The following MAGI2 variants were observed in gnomAD, a reference collection of about 807,000 sequenced individuals.
MAGI2 encodes membrane associated guanylate kinase, WW and PDZ domain containing 2, also known as membrane-associated guanylate kinase, WW and PDZ domain-containing protein 2.
Under a neutral mutation model 133.3 loss-of-function variants are expected in MAGI2, and 35 were observed. That is an observed-to-expected ratio of 0.26 (90% CI 0.20 to 0.35). The LOEUF (loss-of-function observed/expected upper bound fraction) is 0.35. MAGI2 is among the 10% of genes least tolerant of loss of function. The probability of loss-of-function intolerance (pLI) is 1.00; values close to 1 mark genes in which losing one functional copy is unlikely to be tolerated. For missense variants in MAGI2, 1,636 were observed against 1,863.4 expected (o/e 0.88, Z 2.25); for synonymous variants, 729 against 710.6 (o/e 1.03, Z -0.41).
chr7:78,486,119 A>G (rs923762587), intron 6 of MAGI2: 5 of 152,096 alleles, frequency 3.3e-5, no homozygotes, highest in Non-Finnish European at 5.9e-5. Flanking sequence ...TGGACATTAA[A>G]GAAACCAGAA....
At chr7:78,724,702 C>T (rs1220372994) in intron 2 of MAGI2, among the ~76,000 whole-genome samples, 3 of 152,206 alleles carry the variant, frequency 2.0e-5, no homozygotes, top group Non-Finnish European at 4.4e-5. Context: ...TGTAGCATGT[C>T]TTGTACAGCA....
intron 1 of MAGI2, among the ~76,000 whole-genome samples, chr7:79,226,123 C>T (rs578142073): frequency 4.6e-5 from 7 of 152,186 alleles, no homozygotes; most frequent in South Asian, 4.2e-4. Context: ...AGTTCATGAT[C>T]GACTACAGTT....
rs900105772 is a variant in MAGI2 at position 78,868,132 on chromosome 7, A to G, written c.418+138958T>C. Among the ~76,000 whole-genome samples, 7 of 152,250 alleles carry G rather than the reference A, an allele frequency of 4.6e-5. No homozygotes were observed. The South Asian group carries it at 6.2e-4, about 13-fold the overall frequency. ...TTAATTGGTGACATAGATGACGACA[A>G]TGGAAAGTAAACTATAAATATAAAG... On this transcript the variant is annotated intron_variant, in intron 2 of 21. Transcript: ENST00000354212.
chr7:78,687,597 C>T (rs886454288), intron 2 of MAGI2, among the ~76,000 whole-genome samples: 2 of 152,006 alleles, frequency 1.3e-5, no homozygotes, highest in African/African-American at 4.8e-5. Flanking sequence ...ATGTTGAATG[C>T]ATTAATAATT....
chr7:78,983,227 A>T (rs1804940982), intron 2 of MAGI2, among the ~76,000 whole-genome samples: 1 of 151,980 alleles, frequency 6.6e-6, no homozygotes, highest in South Asian at 2.1e-4. Flanking sequence ...AGTACTTTAG[A>T]TTTAGGGAAT....
intron 1 of MAGI2, among the ~76,000 whole-genome samples, chr7:79,156,282 C>G (rs919274440): frequency 6.6e-6 from 1 of 152,032 alleles, no homozygotes. Flanking sequence ...TTTGAGATAA[C>G]CCTATAAAAC....
At chr7:79,184,571 GA>G (rs991015089) in intron 1 of MAGI2, among the ~76,000 whole-genome samples, 11 of 151,530 alleles carry the variant, frequency 7.3e-5, no homozygotes, top group East Asian at 1.9e-4. Flanking sequence ...AGTAATAGGA[GA>G]AAAAAAGGCA....
At chr7:78,164,859 G>C (rs1412869514) in intron 15 of MAGI2, among the ~76,000 whole-genome samples, 1 of 152,212 alleles carries the variant, frequency 6.6e-6, no homozygotes, top group Non-Finnish European at 1.5e-5. Flanking sequence ...TAGCTTGAAT[G>C]TCTCAAAGCT....
At position 78,028,133 on chromosome 7, in the gene MAGI2, A is replaced by G. The variant is rs188451093; in HGVS notation, c.3707-8157T>C. Among the ~76,000 whole-genome samples the G allele has an allele frequency of 3.1e-3, 477 of 152,356 alleles. 1 individual carries two copies. Among genetic ancestry groups the G allele is most frequent in the Admixed American group, 6.3e-3 (96 of 15,310 alleles). ...ATCACTAAGGTGATTGCTTTTTGTA[A>G]CAAAATATAAACAAAAGTACCTTGA... On this transcript the variant is annotated intron_variant, in intron 21 of 21. Coordinates refer to ENST00000354212, the MANE Select transcript of MAGI2 (RefSeq NM_012301.4).
intron 2 of MAGI2, among the ~76,000 whole-genome samples, chr7:78,880,896 GA>G (rs1226655833): frequency 1.3e-5 from 2 of 152,018 alleles, no homozygotes; most frequent in Non-Finnish European, 2.9e-5. Context: ...TACAAAAACA[GA>G]AAAGATAAAA....
At chr7:78,292,945 G>A (rs916461605) in intron 9 of MAGI2, among the ~76,000 whole-genome samples, 2 of 152,090 alleles carry the variant, frequency 1.3e-5, no homozygotes, top group African/African-American at 4.8e-5. Context: ...AAGATGGATT[G>A]AAGACTTAAA....
chr7:78,108,618 C>G (rs1454418572), intron 20 of MAGI2, among the ~76,000 whole-genome samples: 2 of 143,512 alleles, frequency 1.4e-5, no homozygotes, highest in African/African-American at 5.1e-5. Context: ...CTCTCTCTCT[C>G]TCATTCTCTC....
chr7:78,556,376 G>A (rs1799824643), intron 3 of MAGI2, among the ~76,000 whole-genome samples: 1 of 152,210 alleles, frequency 6.6e-6, no homozygotes, highest in African/African-American at 2.4e-5. Context: ...AGTGTGTGAA[G>A]TCTCCTGTTG....
At chr7:78,493,660 T>C (rs914022478) in intron 5 of MAGI2, among the ~76,000 whole-genome samples, 1 of 152,024 alleles carries the variant, frequency 6.6e-6, no homozygotes, top group Non-Finnish European at 1.5e-5. Context: ...ACCAGAGGCA[T>C]CCGGAACCTC....
intron 2 of MAGI2, among the ~76,000 whole-genome samples, chr7:78,850,612 T>C (rs1793049699): frequency 6.6e-6 from 1 of 152,038 alleles, no homozygotes; most frequent in Non-Finnish European, 1.5e-5. Context: ...TCCTTGAAAT[T>C]TTGAGTTTTT....
At chr7:78,491,697 T>A (rs1484710874) in intron 5 of MAGI2, among the ~76,000 whole-genome samples, 2 of 152,072 alleles carry the variant, frequency 1.3e-5, no homozygotes, top group African/African-American at 4.8e-5. Context: ...CTGGCCCTCG[T>A]TTGCATGTCA....
chr7:78,100,047 A>C (rs1261469724), intron 20 of MAGI2, among the ~76,000 whole-genome samples: 1 of 152,190 alleles, frequency 6.6e-6, no homozygotes, highest in African/African-American at 2.4e-5. Context: ...TTTTCACTAG[A>C]GGCCTCTAAT....
chr7:78,324,124 GACACACTACACTACACTACACTACACT>G, intron 9 of MAGI2, among the ~76,000 whole-genome samples: 1 of 144,244 alleles, frequency 6.9e-6, no homozygotes. Flanking sequence ...CAAAATAATT[GACACACTACACTACACTACACTACACT>G]ACACACTACA....
At chr7:78,734,125 T>A (rs1187695941) in intron 2 of MAGI2, among the ~76,000 whole-genome samples, 1 of 152,176 alleles carries the variant, frequency 6.6e-6, no homozygotes, top group South Asian at 2.1e-4. Context: ...AGCAATCAGA[T>A]GCAATAAGAC....
Sources: gnomAD v4.1 joint callset for allele counts (sites outside exome capture counted in the v4.1 genomes callset) on GRCh38, gnomAD v4.1.1 for gene constraint, MANE v1.5 for transcripts, NCBI Gene and HGNC (gene_info 2026-07-23, HGNC 2026-07-21) for gene names.